ARPP21: variants seen among roughly 807,000 people sequenced by gnomAD.
ARPP21 encodes the protein cAMP-regulated phosphoprotein 21.
Under a neutral mutation model 113.2 loss-of-function variants are expected in ARPP21, and 69 were observed. That is an observed-to-expected ratio of 0.61 (90% CI 0.50 to 0.74). ARPP21 has a LOEUF of 0.74. Among genes scored for constraint, ARPP21 ranks in the 30% least tolerant of loss-of-function variants. ARPP21 has a pLI of 0.00. For synonymous variants in ARPP21, 368 were observed against 375.5 expected, an observed-to-expected ratio of 0.98 and a Z score of 0.23; for missense variants, 1,070 against 1,037.4, an observed-to-expected ratio of 1.03 and a Z score of -0.43.
chr3:35,665,815 C>T (rs1575575074), intron 1 of ARPP21, among the ~76,000 whole-genome samples: 2 of 152,098 alleles, frequency 1.3e-5, no homozygotes, highest in Non-Finnish European at 2.9e-5. Flanking sequence ...CTCCAGTCAT[C>T]GTTGTAATGC....
At chr3:35,791,146 T>G (rs545842678) in intron 19 of ARPP21, among the ~76,000 whole-genome samples, 1 of 152,350 alleles carries the variant, frequency 6.6e-6, no homozygotes, top group Admixed American at 6.5e-5. Flanking sequence ...AGTTAAGTAT[T>G]TTCTTTTATA....
intron 11 of ARPP21, 79 bp downstream of exon 11, chr3:35,709,149 G>T: frequency 1.0e-6 from 1 of 964,216 alleles, no homozygotes; most frequent in East Asian, 2.6e-5. Context: ...AGACAGCGAG[G>T]TGGCAGGGAA....
At position 35,747,837 on chromosome 3, in the gene ARPP21, G is replaced by C. The variant is rs972777840; in HGVS notation, c.2137+3872G>C. Among the ~76,000 whole-genome samples the C allele has an allele frequency of 8.6e-5, 13 of 151,844 alleles. No individual in the cohort carries two copies. The East Asian group carries it at 9.7e-4, about 11-fold the overall frequency. On this transcript the variant is annotated intron_variant, in intron 19 of 20. Coordinates refer to ENST00000684406, the MANE Select transcript of ARPP21 (RefSeq NM_001385562.1). Reference sequence around the variant, plus strand: ...TGAGGTGAGAGGATTGCTTGAGCCTGGGAGGTTGAGACTGCAGTGAGCCAT... The same window carrying C: ...TGAGGTGAGAGGATTGCTTGAGCCTCGGAGGTTGAGACTGCAGTGAGCCAT...
intron 1 of ARPP21, among the ~76,000 whole-genome samples, chr3:35,657,020 C>A (rs974804578): frequency 6.6e-6 from 1 of 152,018 alleles, no homozygotes; most frequent in African/African-American, 2.4e-5. Context: ...AGATCCTAGG[C>A]AAATTTTGGA....
chr3:35,745,851 A>G (rs2095006466), intron 19 of ARPP21, among the ~76,000 whole-genome samples: 1 of 152,128 alleles, frequency 6.6e-6, no homozygotes, highest in Non-Finnish European at 1.5e-5. Context: ...CCTACATTCC[A>G]TGGCAACCTG....
intron 9 of ARPP21, among the ~76,000 whole-genome samples, chr3:35,704,437 T>C (rs1351364308): frequency 2.6e-5 from 4 of 151,904 alleles, no homozygotes; most frequent in Admixed American, 2.0e-4. Context: ...ACAATGACAC[T>C]TGAAACTTAG....
intron 19 of ARPP21, among the ~76,000 whole-genome samples, chr3:35,763,357 A>G (rs989083562): frequency 2.0e-5 from 3 of 152,084 alleles, no homozygotes; most frequent in Admixed American, 6.6e-5. Flanking sequence ...TTAATGTCAT[A>G]TTGTGAATTG....
intron 1 of ARPP21, among the ~76,000 whole-genome samples, chr3:35,647,236 A>G (rs1232379799): frequency 1.4e-4 from 22 of 152,182 alleles, no homozygotes; most frequent in Non-Finnish European, 1.5e-5. Flanking sequence ...ATGTGATAGA[A>G]TGTGTATATT....
At chr3:35,697,857 G>T (rs1438187163) in intron 9 of ARPP21, among the ~76,000 whole-genome samples, 1 of 151,510 alleles carries the variant, frequency 6.6e-6, no homozygotes, top group African/African-American at 2.4e-5. Context: ...TCTTCCTTTG[G>T]CTAGGAATGT....
At chr3:35,773,851 C>G (rs2096276489) in intron 19 of ARPP21, among the ~76,000 whole-genome samples, 1 of 152,126 alleles carries the variant, frequency 6.6e-6, no homozygotes, top group South Asian at 2.1e-4. Flanking sequence ...TAGACTACAT[C>G]TGTTTTAAAT....
At chr3:35,744,968 G>C (rs1288737406) in intron 19 of ARPP21, among the ~76,000 whole-genome samples, 2 of 152,162 alleles carry the variant, frequency 1.3e-5, no homozygotes, top group Non-Finnish European at 2.9e-5. Context: ...TGTCAGATTG[G>C]AGAAAGAATT....
intron 19 of ARPP21, among the ~76,000 whole-genome samples, chr3:35,760,047 C>T (rs369710511): frequency 2.6e-5 from 4 of 152,138 alleles, no homozygotes; most frequent in South Asian, 4.1e-4. Flanking sequence ...AACTAGAAGG[C>T]ATATATTAAG....
intron 1 of ARPP21, among the ~76,000 whole-genome samples, chr3:35,663,513 C>T (rs1708767350): frequency 6.6e-6 from 1 of 152,188 alleles, no homozygotes; most frequent in South Asian, 2.1e-4. Context: ...CCCATGTATG[C>T]ATCATGAAGC....
At chr3:35,777,105 G>GT (rs2151640644) in intron 19 of ARPP21, among the ~76,000 whole-genome samples, 1 of 152,292 alleles carries the variant, frequency 6.6e-6, no homozygotes, top group African/African-American at 2.4e-5. Context: ...AGAAGGAGCA[G>GT]TTCCAGGAAT....
intron 15 of ARPP21, among the ~76,000 whole-genome samples, chr3:35,731,904 T>C (rs991017351): frequency 3.9e-5 from 6 of 152,210 alleles, no homozygotes; most frequent in Non-Finnish European, 8.8e-5. Flanking sequence ...GCTCATTTCC[T>C]TTTTACAACC....
At chr3:35,667,494 C>G (rs1295055396) in intron 1 of ARPP21, among the ~76,000 whole-genome samples, 1 of 151,836 alleles carries the variant, frequency 6.6e-6, no homozygotes, top group African/African-American at 2.4e-5. Context: ...TACAATATTC[C>G]TCATTTTAAA....
At chr3:35,759,339 T>C (rs2151257390) in intron 19 of ARPP21, among the ~76,000 whole-genome samples, 1 of 152,202 alleles carries the variant, frequency 6.6e-6, no homozygotes, top group East Asian at 1.9e-4. Flanking sequence ...CCAATACAGT[T>C]TGTCCCTCTT....
intron 19 of ARPP21, among the ~76,000 whole-genome samples, chr3:35,774,204 C>T (rs138099830): frequency 2.6e-5 from 4 of 152,166 alleles, no homozygotes; most frequent in Non-Finnish European, 5.9e-5. Context: ...ATTGCTTGAG[C>T]CTAGAAGTTT....
At position 35,715,462 on chromosome 3, in the gene ARPP21, T is replaced by C; in HGVS notation, c.921T>C (p.Leu307=). ...AGTCAGTTTGCTCCCAGGAAAGCCTTTTTGTGGAAAACAGGTAAAATAAAA... is the reference window on the plus strand; with the variant it reads ...AGTCAGTTTGCTCCCAGGAAAGCCTCTTTGTGGAAAACAGGTAAAATAAAA... ...AHDSVCSQES[L]FVENSRLLED... is the part of the protein sequence containing the mutation. Residue 307 remains leucine, a synonymous_variant, in exon 12 of 21, where the codon CTT becomes CTC. Coordinates refer to ENST00000684406, the MANE Select transcript of ARPP21 (RefSeq NM_001385562.1). 6.2e-7 allele frequency: 1 copy of C among 1,613,028 alleles called. No homozygotes were observed. The highest frequency in any genetic ancestry group is 8.5e-7 in the Non-Finnish European group (1 of 1,179,270).
Sources: gnomAD v4.1 joint callset for allele counts (sites outside exome capture counted in the v4.1 genomes callset) on GRCh38, gnomAD v4.1.1 for gene constraint, MANE v1.5 for transcripts, NCBI Gene and HGNC (gene_info 2026-07-23, HGNC 2026-07-21) for gene names.